Variants in TMCO4 observed in about 807,000 individuals in gnomAD.
TMCO4 encodes the protein transmembrane and coiled-coil domains 4.
A neutral mutation model predicts 64.7 loss-of-function variants in TMCO4; 58 were observed. That is an observed-to-expected ratio of 0.90 (90% CI 0.73 to 1.12). TMCO4 has a LOEUF of 1.12. Among genes scored for constraint, TMCO4 ranks in the 50% most tolerant of loss-of-function variants. TMCO4 has a pLI of 0.00. For synonymous variants in TMCO4, 325 were observed against 346.1 expected (o/e 0.94, Z 0.68); for missense variants, 780 against 825.9 (o/e 0.94, Z 0.68).
chr1:19,754,208 G>A (rs556110303), intron 7 of TMCO4, among the ~76,000 whole-genome samples: 2 of 152,262 alleles, frequency 1.3e-5, no homozygotes, highest in South Asian at 2.1e-4. Flanking sequence ...AGAACAAATC[G>A]CTCCGGGTAA....
Position 19,734,658 on chromosome 1 carries a change from C to T in TMCO4, c.1264+2714G>A, listed in dbSNP as rs2095445477. Among the ~76,000 whole-genome samples the T allele has an allele frequency of 6.6e-6, 1 of 152,102 alleles. No individual in the cohort carries two copies. The highest frequency in any genetic ancestry group is 2.1e-4 in the South Asian group (1 of 4,822). ...ACCAGATGCCACCGTTTCTAGACAC[C>T]CCTGAGAGCCCCGCCTTTGCCCATG... On this transcript the variant is annotated intron_variant, in intron 13 of 15. Coordinates refer to ENST00000294543, the MANE Select transcript of TMCO4 (RefSeq NM_181719.7). The surrounding 1 kb of genome is among the most constrained non-coding windows in gnomAD (Gnocchi z 4.4).
At chr1:19,746,338 C>G (rs1359641110) in intron 9 of TMCO4, 118 bp downstream of exon 9, 1 of 1,445,606 alleles carries the variant, frequency 6.9e-7, no homozygotes, top group Non-Finnish European at 9.4e-7. Context: ...TGAGAAAAGC[C>G]ACGTCTCCTC....
At chr1:19,705,069 T>C (rs1224357478) in intron 13 of TMCO4, among the ~76,000 whole-genome samples, 2 of 152,272 alleles carry the variant, frequency 1.3e-5, no homozygotes, top group Admixed American at 6.5e-5. Context: ...CTAAGGGCGG[T>C]TGGCAAGAAC....
At chr1:19,765,753 T>C (rs2042709906) in intron 6 of TMCO4, among the ~76,000 whole-genome samples, 1 of 151,938 alleles carries the variant, frequency 6.6e-6, no homozygotes, top group Non-Finnish European at 1.5e-5. Context: ...GCTGCCAATA[T>C]GGCACCGTTC....
chr1:19,749,454 A>G (rs554778790), intron 7 of TMCO4, among the ~76,000 whole-genome samples: 2 of 150,362 alleles, frequency 1.3e-5, no homozygotes, highest in South Asian at 4.3e-4. Context: ...TGCAACCTCC[A>G]CCTCTCAGGT....
At chr1:19,713,001 C>T (rs2095338571) in intron 13 of TMCO4, among the ~76,000 whole-genome samples, 1 of 152,164 alleles carries the variant, frequency 6.6e-6, no homozygotes, top group Non-Finnish European at 1.5e-5. Flanking sequence ...TCTCTCATCC[C>T]CCCAGGAACT....
At chr1:19,684,081 T>TC (rs2095127683) in intron 15 of TMCO4, among the ~76,000 whole-genome samples, 1 of 149,030 alleles carries the variant, frequency 6.7e-6, no homozygotes, top group Non-Finnish European at 1.5e-5. Context: ...TTTTTTTTTT[T>TC]TTTTTTTAAG....
intron 2 of TMCO4, among the ~76,000 whole-genome samples, chr1:19,791,846 T>C (rs1430775496): frequency 1.3e-5 from 2 of 152,142 alleles, no homozygotes; most frequent in Non-Finnish European, 2.9e-5. Context: ...CACCAAATGA[T>C]ATAGTTTGGC....
At chr1:19,793,187 C>A (rs2101142283) in intron 2 of TMCO4, among the ~76,000 whole-genome samples, 1 of 151,948 alleles carries the variant, frequency 6.6e-6, no homozygotes, top group East Asian at 1.9e-4. Flanking sequence ...CCCCACCAGG[C>A]TTTCTCTCTC....
intron 4 of TMCO4, among the ~76,000 whole-genome samples, chr1:19,778,555 G>T (rs942537289): frequency 1.3e-5 from 2 of 152,192 alleles, no homozygotes; most frequent in African/African-American, 4.8e-5. Flanking sequence ...GTGAGCCACT[G>T]CACCCGGCTA....
chr1:19,787,383 T>A (rs886321395), intron 2 of TMCO4, among the ~76,000 whole-genome samples: 1 of 152,240 alleles, frequency 6.6e-6, no homozygotes, highest in African/African-American at 2.4e-5. Context: ...TCATTGAATG[T>A]CCTTGTTCAA....
chr1:19,773,485 T>C (rs952145641), intron 4 of TMCO4, among the ~76,000 whole-genome samples: 4 of 152,156 alleles, frequency 2.6e-5, no homozygotes, highest in Non-Finnish European at 5.9e-5. Flanking sequence ...AGTTACCGGA[T>C]GCAGGTGCCC....
At chr1:19,727,673 T>C (rs1284893877) in intron 13 of TMCO4, among the ~76,000 whole-genome samples, 1 of 152,184 alleles carries the variant, frequency 6.6e-6, no homozygotes, top group African/African-American at 2.4e-5. Flanking sequence ...CTGCTAAAAA[T>C]AGAACTACCA....
chr1:19,705,966 T>C (rs927861218), intron 13 of TMCO4, among the ~76,000 whole-genome samples: 9 of 152,220 alleles, frequency 5.9e-5, no homozygotes, highest in Middle Eastern at 3.4e-3. Context: ...TGTGGCGCAA[T>C]TGTGGCTCAC....
rs35274017 is a variant in TMCO4 at position 19,737,443 on chromosome 1, A to G, written c.1193T>C (p.Val398Ala). The G allele has an allele frequency of 2.3e-3, 3,646 of 1,613,998 alleles. 78 individuals are homozygous for G. In the African/African-American group the frequency reaches 0.043, roughly 19 times the overall value. Reference sequence around the variant, plus strand: ...TCCCAGGCTGAAGCCAATCAAGGTGACAGGTCGTCGCCCCTGAAGGGAAAA... The same window carrying G: ...TCCCAGGCTGAAGCCAATCAAGGTGGCAGGTCGTCGCCCCTGAAGGGAAAA... Reference protein sequence around the residue: ...LLSRQQGRRPVTLIGFSLGAR... With the variant: ...LLSRQQGRRPATLIGFSLGAR... The change falls in exon 13 of 16, where the codon GTC (valine) becomes GCC (alanine). Residue 398 changes from valine to alanine, a missense_variant. Val to Ala is a moderately conservative substitution (Grantham distance 64, BLOSUM62 0). Coordinates refer to ENST00000294543, the MANE Select transcript of TMCO4 (RefSeq NM_181719.7).
intron 13 of TMCO4, among the ~76,000 whole-genome samples, chr1:19,730,520 C>T (rs938964991): frequency 4.6e-5 from 7 of 152,236 alleles, no homozygotes; most frequent in African/African-American, 1.7e-4. Flanking sequence ...ACAGGAAGCA[C>T]AGAGGTGAGT....
chr1:19,774,240 C>T (rs2281241), intron 4 of TMCO4, among the ~76,000 whole-genome samples: 26,066 of 152,222 alleles, frequency 0.17, 2,561 homozygotes, highest in East Asian at 0.35. Flanking sequence ...CCAAGGACTA[C>T]AGCATGGCCT....
chr1:19,798,638 G>C (rs147177007), intron 1 of TMCO4, among the ~76,000 whole-genome samples: 3,420 of 152,276 alleles, frequency 0.022, 48 homozygotes, highest in Non-Finnish European at 0.032. Context: ...TGCTGCACAC[G>C]AGGGCTTGAG....
chr1:19,783,282 C>CT (rs747318282), intron 3 of TMCO4, among the ~76,000 whole-genome samples: 1 of 152,184 alleles, frequency 6.6e-6, no homozygotes, highest in Non-Finnish European at 1.5e-5. Flanking sequence ...TCCCCTGATA[C>CT]AGCCAGTCAA....
Sources: gnomAD v4.1 joint callset for allele counts (sites outside exome capture counted in the v4.1 genomes callset) on GRCh38, gnomAD v4.1.1 for gene constraint, Gnocchi (gnomAD v3.1) non-coding constraint, MANE v1.5 for transcripts, NCBI Gene and HGNC (gene_info 2026-07-23, HGNC 2026-07-21) for gene names.